Variants in SLC8A1 observed in about 807,000 individuals in gnomAD.
SLC8A1 encodes the protein sodium/calcium exchanger 1.
In SLC8A1, 18 loss-of-function variants were observed where a neutral mutation model predicts 68.3. The ratio of observed to expected loss-of-function variants is 0.26; its 90% confidence interval spans 0.18 to 0.39. The LOEUF is 0.39. Ranked by LOEUF, SLC8A1 falls within the 10% of genes least tolerant of loss-of-function variation. SLC8A1 has a pLI of 1.00. For missense variants in SLC8A1, 985 were observed against 1,156.7 expected (o/e 0.85, Z 2.15); for synonymous variants, 475 against 415.5 (o/e 1.14, Z -1.74).
chr2:40,265,500 T>C (rs1054549069), intron 2 of SLC8A1, among the ~76,000 whole-genome samples: 6 of 152,138 alleles, frequency 3.9e-5, no homozygotes, highest in African/African-American at 1.4e-4. Flanking sequence ...GCGAAAAAGT[T>C]GGTAGAGGTG....
At chr2:40,129,653 C>G (rs190604663) in intron 7 of SLC8A1, among the ~76,000 whole-genome samples, 1 of 152,290 alleles carries the variant, frequency 6.6e-6, no homozygotes, top group East Asian at 1.9e-4. Flanking sequence ...GATGCTCATT[C>G]CCTTTGCAAT....
intron 1 of SLC8A1, among the ~76,000 whole-genome samples, chr2:40,511,161 C>T (rs761218048): frequency 2.0e-5 from 3 of 151,846 alleles, no homozygotes; most frequent in Non-Finnish European, 4.4e-5. Flanking sequence ...TTCTTTTTTC[C>T]CACTCATACT....
chr2:40,252,319 A>AGAT (rs931106987), intron 2 of SLC8A1, among the ~76,000 whole-genome samples: 1 of 150,946 alleles, frequency 6.6e-6, no homozygotes, highest in Non-Finnish European at 1.5e-5. Flanking sequence ...TTTTTTTTTT[A>AGAT]GATAGTACAT....
intron 2 of SLC8A1, among the ~76,000 whole-genome samples, chr2:40,264,187 AAGTC>A (rs2065063423): frequency 6.6e-6 from 1 of 150,814 alleles, no homozygotes. Flanking sequence ...AATCATTAAA[AAGTC>A]AGGAAACAAC....
chr2:40,204,601 C>T (rs1334049293), intron 2 of SLC8A1, among the ~76,000 whole-genome samples: 1 of 151,924 alleles, frequency 6.6e-6, no homozygotes, highest in Non-Finnish European at 1.5e-5. Flanking sequence ...TTTGGCGGAG[C>T]TAATGTTGTC....
chr2:40,269,302 G>C (rs1485023425), intron 2 of SLC8A1, among the ~76,000 whole-genome samples: 1 of 152,140 alleles, frequency 6.6e-6, no homozygotes, highest in African/African-American at 2.4e-5. Flanking sequence ...CAGGTCTTAT[G>C]GTATTAAGGC....
At chr2:40,411,581 T>G (rs930303387) in intron 2 of SLC8A1, among the ~76,000 whole-genome samples, 7 of 152,086 alleles carry the variant, frequency 4.6e-5, no homozygotes, top group African/African-American at 1.7e-4. Context: ...ATAAACGTTG[T>G]CTTTAAAAAA....
intron 1 of SLC8A1, among the ~76,000 whole-genome samples, chr2:40,437,374 T>G (rs893860622): frequency 9.2e-5 from 14 of 151,994 alleles, no homozygotes; most frequent in Non-Finnish European, 1.8e-4. Context: ...GCCTTCCCAC[T>G]CCCCAAGTAA....
intron 2 of SLC8A1, among the ~76,000 whole-genome samples, chr2:40,291,161 C>A (rs2069234569): frequency 6.6e-6 from 1 of 152,118 alleles, no homozygotes; most frequent in Non-Finnish European, 1.5e-5. Context: ...TCTAAGAAGA[C>A]CCTTCTTTTC....
chr2:40,406,199 A>G (rs982800449), intron 2 of SLC8A1, among the ~76,000 whole-genome samples: 1 of 152,222 alleles, frequency 6.6e-6, no homozygotes, highest in Non-Finnish European at 1.5e-5. Context: ...ATTTAAACAT[A>G]TATGCCAAAG....
intron 2 of SLC8A1, among the ~76,000 whole-genome samples, chr2:40,385,110 T>C (rs1048052478): frequency 9.9e-5 from 15 of 152,114 alleles, no homozygotes; most frequent in African/African-American, 3.4e-4. Context: ...TATAGTACTT[T>C]TGATCCTGTA....
At chr2:40,333,934 G>A (rs1019261663) in intron 2 of SLC8A1, among the ~76,000 whole-genome samples, 51 of 152,212 alleles carry the variant, frequency 3.4e-4, no homozygotes, top group African/African-American at 1.2e-3. Context: ...TGTAATCTCA[G>A]CTACTTGGGA....
intron 1 of SLC8A1, among the ~76,000 whole-genome samples, chr2:40,430,987 ATAATG>A (rs1698152268): frequency 2.0e-5 from 3 of 152,226 alleles, no homozygotes; most frequent in African/African-American, 7.2e-5. Context: ...AAATTCTGCT[ATAATG>A]CAATATTTCC....
intron 4 of SLC8A1, among the ~76,000 whole-genome samples, chr2:40,170,651 A>G (rs1296136490): frequency 6.6e-6 from 1 of 152,216 alleles, no homozygotes; most frequent in Non-Finnish European, 1.5e-5. Context: ...GGTATCTTAA[A>G]TGATGTGTCA....
chr2:40,411,646 A>AAAT, intron 2 of SLC8A1, among the ~76,000 whole-genome samples: 1 of 152,098 alleles, frequency 6.6e-6, no homozygotes, highest in Non-Finnish European at 1.5e-5. Flanking sequence ...GGGCCTCATT[A>AAAT]AATAAATTGT....
At chr2:40,308,166 C>G (rs184328314) in intron 2 of SLC8A1, among the ~76,000 whole-genome samples, 4 of 152,256 alleles carry the variant, frequency 2.6e-5, no homozygotes, top group Admixed American at 1.3e-4. Flanking sequence ...AGTGTGGCAT[C>G]TGCTTTTTGC....
At chr2:40,345,337 T>G (rs993383701) in intron 2 of SLC8A1, among the ~76,000 whole-genome samples, 17 of 152,176 alleles carry the variant, frequency 1.1e-4, no homozygotes, top group African/African-American at 4.1e-4. Flanking sequence ...GCTTCATAAA[T>G]TATATTTCCA....
chr2:40,352,888 G>A (rs544089525), intron 2 of SLC8A1, among the ~76,000 whole-genome samples: 2 of 152,282 alleles, frequency 1.3e-5, no homozygotes, highest in Admixed American at 1.3e-4. Flanking sequence ...TCTGTATCCA[G>A]TAAGAGCTTT....
intron 2 of SLC8A1, among the ~76,000 whole-genome samples, chr2:40,281,266 G>C (rs910643834): frequency 2.0e-5 from 3 of 152,156 alleles, no homozygotes; most frequent in African/African-American, 7.2e-5. Context: ...AAAGGGTTGG[G>C]GGGGTGCTCT....
Sources: gnomAD v4.1 joint callset for allele counts (sites outside exome capture counted in the v4.1 genomes callset) on GRCh38, gnomAD v4.1.1 for gene constraint, MANE v1.5 for transcripts, NCBI Gene and HGNC (gene_info 2026-07-23, HGNC 2026-07-21) for gene names.